The following IGSF9 variants were observed in gnomAD, a reference collection of about 807,000 sequenced individuals.
The protein encoded by IGSF9 is protein turtle homolog A.
IGSF9 carries 87 observed loss-of-function variants against 121.7 expected under a neutral mutation model. That is an observed-to-expected ratio of 0.71 (90% CI 0.60 to 0.85). The LOEUF (loss-of-function observed/expected upper bound fraction) is 0.85, where lower values mean the gene tolerates loss of function less well. Among genes scored for constraint, IGSF9 ranks in the 40% least tolerant of loss-of-function variants. The probability of loss-of-function intolerance (pLI) is 0.00; values close to 1 mark genes in which losing one functional copy is unlikely to be tolerated. For synonymous variants in IGSF9, 640 were observed against 648.4 expected, an observed-to-expected ratio of 0.99 and a Z score of 0.20; for missense variants, 1,462 against 1,565.3, an observed-to-expected ratio of 0.93 and a Z score of 1.11.
rs772762119 is a variant in IGSF9, at chr1:159,934,178, C to T, written c.1104+12G>A. On this transcript the variant is annotated intron_variant, in intron 9 of 20. Transcript: ENST00000368094. ...AAGCTAAGACCCTCCTTCCCCTGCC[C>T]CAAGCCTGTACCTTGTCCAGCTGCA... 6.2e-7 allele frequency: 1 copy of T among 1,608,978 alleles called. No homozygotes were observed. The highest frequency in any genetic ancestry group is 1.1e-5 in the South Asian group (1 of 89,796).
rs372031849 is a variant in IGSF9 at position 159,927,747 on chromosome 1, G to A, written c.3358+13C>T. On this transcript the variant is annotated intron_variant, in intron 20 of 20. Coordinates refer to ENST00000368094, the MANE Select transcript of IGSF9 (RefSeq NM_001135050.2). Reference sequence around the variant, plus strand: ...ATGGCCGAGATGCCTGCCTTTCCGGGGGGCTCACACACCTAGCTCTGGCTC... The same window carrying A: ...ATGGCCGAGATGCCTGCCTTTCCGGAGGGCTCACACACCTAGCTCTGGCTC... 2 of 1,609,920 alleles carry A rather than the reference G, an allele frequency of 1.2e-6. No individual in the cohort carries two copies. Among genetic ancestry groups the A allele is most frequent in the African/African-American group, 1.3e-5 (1 of 74,560 alleles).
intron 3 of IGSF9, among the ~76,000 whole-genome samples, chr1:159,938,489 A>T (rs1432400342): frequency 2.6e-5 from 4 of 152,082 alleles, no homozygotes; most frequent in African/African-American, 9.7e-5. Context: ...AAGCCACACA[A>T]CCACAGCACA....
Position 159,928,987 on chromosome 1 carries a change from C to T in IGSF9, c.2401G>A (p.Val801Met), listed in dbSNP as rs1315692256. The T allele has an allele frequency of 1.3e-6, 2 of 1,519,790 alleles. No homozygotes were observed. Among genetic ancestry groups the T allele is most frequent in the Admixed American group, 2.2e-5 (1 of 45,698 alleles). The allele number at this position is 1,519,790 out of a possible 1,614,324, so 94.1% of individuals were successfully genotyped here. A position where few individuals can be genotyped will look rare whatever the true frequency, so the allele number is the denominator to read the frequency against. The change falls in exon 19 of 21, where the codon GTG becomes ATG. Residue 801 changes from valine to methionine, a missense_variant. Physicochemically the swap from Val to Met is conservative, Grantham distance 21. Coordinates refer to ENST00000368094, the MANE Select transcript of IGSF9 (RefSeq NM_001135050.2). Reference protein sequence around the residue: ...SALGSGSPDSVAKLKLQGSPV... With the variant: ...SALGSGSPDSMAKLKLQGSPV... The stretch of plus-strand genomic sequence containing the variant: ...GATCCCTGGAGCTTCAGCTTCGCCA[C>T]GCTGTCAGGACTGCCTGAGCCCAGA...
chr1:159,936,493 G>C lies in IGSF9; in HGVS notation c.579C>G (p.Ile193Met). ...QVQVQNGTLR[I>M]RRVERGSSGV... is the part of the protein sequence containing the mutation. ...CAGAGCTGCCTCGCTCTACCCGGCG[G>C]ATCCGCAGCGTCCCGTTCTGCACCT... The change falls in exon 6 of 21, where the codon ATC becomes ATG. Residue 193 changes from isoleucine to methionine, a missense_variant. Coordinates refer to ENST00000368094, the MANE Select transcript of IGSF9 (RefSeq NM_001135050.2). The C allele has an allele frequency of 6.2e-7, 1 of 1,614,012 alleles. No homozygotes were observed. The highest frequency in any genetic ancestry group is 1.1e-5 in the South Asian group (1 of 91,076).
At chr1:159,930,036 G>A in intron 15 of IGSF9, 61 bp from the exon 16 acceptor site, 1 of 1,570,074 alleles carries the variant, frequency 6.4e-7, no homozygotes, top group South Asian at 1.1e-5. Context: ...AACCCAGCGG[G>A]GCGCGGAAAG....
Sources: allele counts gnomAD v4.1 joint callset (sites outside exome capture counted in the v4.1 genomes callset), GRCh38; gene constraint gnomAD v4.1.1; transcripts MANE v1.5; gene names NCBI Gene and HGNC (gene_info 2026-07-23, HGNC 2026-07-21).